Variants in BLM observed in about 807,000 individuals in gnomAD.
BLM encodes the protein BLM RecQ like helicase, also known as recQ-like DNA helicase BLM.
Under a neutral mutation model 135.3 loss-of-function variants are expected in BLM, and 95 were observed. The observed-to-expected ratio is 0.70, with a 90% CI of 0.59 to 0.83. BLM has a LOEUF of 0.83. Among genes scored for constraint, BLM ranks in the 40% least tolerant of loss-of-function variants. The pLI is 0.00. For missense variants in BLM, 1,518 were observed against 1,663.9 expected, an observed-to-expected ratio of 0.91 and a Z score of 1.53; for synonymous variants, 520 against 589.2, an observed-to-expected ratio of 0.88 and a Z score of 1.70.
chr15:90,719,055 G>A (rs1267037501), intron 1 of BLM, among the ~76,000 whole-genome samples: 1 of 151,962 alleles, frequency 6.6e-6, no homozygotes, highest in Non-Finnish European at 1.5e-5. Flanking sequence ...GCAGTGGCGC[G>A]ATCTTGGCTC....
intron 12 of BLM, among the ~76,000 whole-genome samples, chr15:90,774,537 T>G (rs916399848): frequency 3.3e-5 from 5 of 151,920 alleles, no homozygotes; most frequent in African/African-American, 1.2e-4. Context: ...GTTTCTGTTA[T>G]AAAAGTACAG....
At chr15:90,805,700 A>G (rs1010217585) in intron 19 of BLM, among the ~76,000 whole-genome samples, 1 of 151,892 alleles carries the variant, frequency 6.6e-6, no homozygotes, top group Admixed American at 6.6e-5. Context: ...AGGCAGGAGA[A>G]TCACTTGAAC....
chr15:90,762,530 A>T, intron 7 of BLM: 1 of 189,060 alleles, frequency 5.3e-6, no homozygotes, highest in Non-Finnish European at 1.1e-5. Flanking sequence ...CATTTGCTGC[A>T]CACGGGTCAT....
intron 17 of BLM, among the ~76,000 whole-genome samples, chr15:90,801,021 C>T (rs998047922): frequency 2.0e-5 from 3 of 152,056 alleles, no homozygotes; most frequent in South Asian, 2.1e-4. Context: ...TGATGTTGTG[C>T]ACCTGTAATC....
intron 21 of BLM, among the ~76,000 whole-genome samples, chr15:90,813,648 A>C (rs775249741): frequency 6.6e-6 from 1 of 152,198 alleles, no homozygotes; most frequent in South Asian, 2.1e-4. Flanking sequence ...CTTGGCTCCC[A>C]AAGTGCTGGG....
intron 5 of BLM, among the ~76,000 whole-genome samples, chr15:90,758,952 A>G (rs574585857): frequency 3.2e-4 from 49 of 152,284 alleles, no homozygotes; most frequent in African/African-American, 1.1e-3. Flanking sequence ...GATCAAAACA[A>G]CAGGTAGGGC....
At chr15:90,759,709 C>G (rs1162476106) in intron 5 of BLM, among the ~76,000 whole-genome samples, 1 of 151,852 alleles carries the variant, frequency 6.6e-6, no homozygotes. Context: ...CAGGTTCAAG[C>G]GATTCTCCTG....
chr15:90,774,641 C>G (rs1025289875), intron 12 of BLM, among the ~76,000 whole-genome samples: 4 of 151,402 alleles, frequency 2.6e-5, no homozygotes, highest in African/African-American at 9.7e-5. Flanking sequence ...GGAGACCAGC[C>G]TGGCCAACAT....
intron 4 of BLM, among the ~76,000 whole-genome samples, chr15:90,752,963 C>T (rs1895727482): frequency 6.6e-6 from 1 of 152,144 alleles, no homozygotes; most frequent in Non-Finnish European, 1.5e-5. Context: ...TAGTGCCTTC[C>T]CTGGTGTCAT....
intron 13 of BLM, among the ~76,000 whole-genome samples, chr15:90,783,560 C>G (rs1896668331): frequency 6.6e-6 from 1 of 152,008 alleles, no homozygotes; most frequent in African/African-American, 2.4e-5. Context: ...ATTTCCATTT[C>G]TAAAAATAAC....
At chr15:90,800,707 C>G (rs1477624344) in intron 17 of BLM, among the ~76,000 whole-genome samples, 1 of 147,408 alleles carries the variant, frequency 6.8e-6, no homozygotes, top group Non-Finnish European at 1.5e-5. Context: ...ACAGGGCCCA[C>G]CCAACGTAGA....
At chr15:90,770,177 C>T (rs57583807) in intron 12 of BLM, among the ~76,000 whole-genome samples, 25,147 of 128,212 alleles carry the variant, frequency 0.2, 2,572 homozygotes, top group East Asian at 0.28. Context: ...TCCCCCCCCC[C>T]TTTTTTTTTT....
rs973296940 is a variant in BLM, at chr15:90,769,720, C to T, written c.2555+134C>T. The T allele has an allele frequency of 1.7e-5, 18 of 1,080,362 alleles. No homozygotes were observed. In the East Asian group the frequency reaches 1.8e-4, roughly 11 times the overall value. The allele number at this position is 1,080,362 out of a possible 1,614,324, so 66.9% of individuals were successfully genotyped here. ...CCACCCCCATGCCCAAGTTGTAACC[C>T]GATGGCAGCTAAATCAGAACGTTTG... On this transcript the variant is annotated intron_variant, in intron 12 of 21. Transcript: ENST00000355112.
Position 90,794,096 on chromosome 15 carries a change from C to T in BLM, c.3020-71C>T, listed in dbSNP as rs2151187047. 4 of 1,150,628 alleles carry T rather than the reference C, an allele frequency of 3.5e-6. No homozygotes were observed. In the Admixed American group the frequency reaches 8.4e-5, roughly 24 times the overall value. The allele number at this position is 1,150,628 out of a possible 1,614,324, so 71.3% of individuals were successfully genotyped here. A position where few individuals can be genotyped will look rare whatever the true frequency, so the allele number is the denominator to read the frequency against. On this transcript the variant is annotated intron_variant, in intron 15 of 21. Coordinates refer to ENST00000355112, the MANE Select transcript of BLM (RefSeq NM_000057.4). Reference sequence around the variant, plus strand: ...ATATTTAAAGTTATATGAATCTATTCTAAATATTTCTATGATATGCTCTAT... The same window carrying T: ...ATATTTAAAGTTATATGAATCTATTTTAAATATTTCTATGATATGCTCTAT...
chr15:90,760,406 CTA>C, intron 6 of BLM, 127 bp downstream of exon 6: 1 of 1,368,052 alleles, frequency 7.3e-7, no homozygotes, highest in Non-Finnish European at 1.0e-6. Flanking sequence ...CATCATGCCA[CTA>C]TGTTTTTGAT....
intron 1 of BLM, among the ~76,000 whole-genome samples, chr15:90,721,951 A>G (rs569209582): frequency 6.6e-6 from 1 of 151,716 alleles, no homozygotes; most frequent in African/African-American, 2.4e-5. Context: ...AATTTTCTTT[A>G]TTATGACAAC....
intron 19 of BLM, among the ~76,000 whole-genome samples, chr15:90,808,056 A>G (rs1897321806): frequency 6.6e-6 from 1 of 152,226 alleles, no homozygotes; most frequent in Non-Finnish European, 1.5e-5. Context: ...TTTCTAGGCG[A>G]TTAGTGTAGT....
intron 2 of BLM, among the ~76,000 whole-genome samples, chr15:90,748,691 C>CT (rs1567034696): frequency 2.6e-5 from 4 of 151,848 alleles, no homozygotes; most frequent in Non-Finnish European, 4.4e-5. Flanking sequence ...GTTTTTAACT[C>CT]TTTTTCCCCT....
chr15:90,749,458 G>T lies in BLM; in HGVS notation c.190G>T (p.Asp64Tyr). 1 of 1,612,468 alleles carries T rather than the reference G, an allele frequency of 6.2e-7. No homozygotes were observed. The highest frequency in any genetic ancestry group is 8.5e-7 in the Non-Finnish European group (1 of 1,178,556). The change falls in exon 3 of 22, where the codon GAT becomes TAT. Residue 64 changes from aspartate (D) to tyrosine (Y), a missense_variant. Transcript: ENST00000355112. ...VAKTPVLRNK[D>Y]VNVTEDFSFS... Reference sequence around the variant, plus strand: ...AAAAACACCTGTATTAAGAAATAAAGATGTTAATGTTACCGAAGACTTTTC... The same window carrying T: ...AAAAACACCTGTATTAAGAAATAAATATGTTAATGTTACCGAAGACTTTTC...
Sources: allele counts gnomAD v4.1 joint callset (sites outside exome capture counted in the v4.1 genomes callset), GRCh38; gene constraint gnomAD v4.1.1; transcripts MANE v1.5; gene names NCBI Gene and HGNC (gene_info 2026-07-23, HGNC 2026-07-21).